The following ROBO1 variants were observed in gnomAD, a reference collection of about 807,000 sequenced individuals.
ROBO1 encodes the protein roundabout guidance receptor 1.
In ROBO1, 149 loss-of-function variants were observed where a neutral mutation model predicts 195.9. The observed-to-expected ratio is 0.76, with a 90% CI of 0.67 to 0.87. The LOEUF (loss-of-function observed/expected upper bound fraction) is 0.87. Ranked by LOEUF, ROBO1 falls within the 40% of genes least tolerant of loss-of-function variation. ROBO1 has a pLI of 0.00. For missense variants in ROBO1, 1,933 were observed against 2,068.3 expected (o/e 0.93, Z 1.27); for synonymous variants, 816 against 733.2 (o/e 1.11, Z -1.82).
rs185127805 is a variant in ROBO1 at position 79,509,016 on chromosome 3, G to C, written c.88+80808C>G. On this transcript the variant is annotated intron_variant, in intron 2 of 30. Coordinates refer to ENST00000464233, the MANE Select transcript of ROBO1 (RefSeq NM_002941.4). ...AAGATTAGCTTTTTTTCAAGGTATA[G>C]GATAAGCATATTTGATGACACATTA... 2.0e-3 allele frequency among the ~76,000 whole-genome samples: 309 copies of C among 152,104 alleles called. 2 individuals are homozygous for C. Among genetic ancestry groups the C allele is most frequent in the African/African-American group, 6.2e-3 (256 of 41,502 alleles).
intron 2 of ROBO1, among the ~76,000 whole-genome samples, chr3:79,382,550 T>C (rs970244131): frequency 1.3e-5 from 2 of 152,178 alleles, no homozygotes; most frequent in African/African-American, 4.8e-5. Flanking sequence ...TCTGATAATA[T>C]TGAATAAAGC....
chr3:79,727,669 A>G (rs953934950), intron 1 of ROBO1, among the ~76,000 whole-genome samples: 21 of 152,190 alleles, frequency 1.4e-4, no homozygotes, highest in African/African-American at 4.8e-4. Flanking sequence ...GCAACCTGCC[A>G]TAGTAGCAAT....
In ROBO1 at chr3:78,646,201, AC is replaced by A; in HGVS notation, c.2840-12del. 2 of 1,604,742 alleles carry A rather than the reference AC, an allele frequency of 1.2e-6. No individual in the cohort carries two copies. The highest frequency in any genetic ancestry group is 1.7e-6 in the Non-Finnish European group (2 of 1,173,640). ...CTCTCTGGTAAGTTACTAGAATGTT[AC>A]GAAAAAAAAAAGGAACAATTAATAG... On this transcript the variant is annotated splice_polypyrimidine_tract_variant and intron_variant, in intron 20 of 30. Transcript: ENST00000464233.
At chr3:78,898,883 T>C (rs1168167861) in intron 4 of ROBO1, among the ~76,000 whole-genome samples, 1 of 152,176 alleles carries the variant, frequency 6.6e-6, no homozygotes, top group African/African-American at 2.4e-5. Context: ...AGTTAGTTTG[T>C]AAACAGAATG....
chr3:78,669,760 T>TA (rs1707954785), intron 11 of ROBO1, among the ~76,000 whole-genome samples: 1 of 152,226 alleles, frequency 6.6e-6, no homozygotes, highest in Non-Finnish European at 1.5e-5. Context: ...GTAAATATCT[T>TA]AAAAGATGCT....
intron 2 of ROBO1, among the ~76,000 whole-genome samples, chr3:79,268,686 G>T (rs928787358): frequency 4.0e-5 from 6 of 151,610 alleles, no homozygotes; most frequent in African/African-American, 1.5e-4. Flanking sequence ...GGATTTAGAT[G>T]ATCACATAGC....
At chr3:79,081,729 T>C (rs902734324) in intron 3 of ROBO1, among the ~76,000 whole-genome samples, 9 of 152,188 alleles carry the variant, frequency 5.9e-5, no homozygotes, top group Non-Finnish European at 1.2e-4. Flanking sequence ...AAGTTTCATG[T>C]CATGTCTTGA....
chr3:79,645,311 G>A (rs1945786555), intron 1 of ROBO1, among the ~76,000 whole-genome samples: 1 of 151,854 alleles, frequency 6.6e-6, no homozygotes, highest in African/African-American at 2.4e-5. Context: ...AGATTAACTT[G>A]GGCAACGTCA....
chr3:79,516,397 A>G (rs1207258027), intron 2 of ROBO1, among the ~76,000 whole-genome samples: 2 of 152,122 alleles, frequency 1.3e-5, no homozygotes, highest in African/African-American at 4.8e-5. Flanking sequence ...AAAAGGAAGC[A>G]TATATAATTT....
Position 79,337,068 on chromosome 3 carries a change from C to T in ROBO1, c.89-211529G>A, listed in dbSNP as rs545707841. 5.9e-5 allele frequency among the ~76,000 whole-genome samples: 9 copies of T among 152,282 alleles called. No homozygotes were observed. In the South Asian group the frequency reaches 1.9e-3, roughly 32 times the overall value. On this transcript the variant is annotated intron_variant, in intron 2 of 30. Transcript: ENST00000464233. The stretch of plus-strand genomic sequence containing the variant: ...TGTATTTACTCAATGCCTGTACCTC[C>T]ATTGTATTTAGGAAGTAACCAGCTT...
chr3:79,445,194 TA>T (rs1202866551), intron 2 of ROBO1, among the ~76,000 whole-genome samples: 1 of 78,932 alleles, frequency 1.3e-5, no homozygotes, highest in Non-Finnish European at 2.3e-5. Context: ...TCCCATTCAC[TA>T]TTTTTTTTTG....
At chr3:79,052,539 C>A (rs889490673) in intron 3 of ROBO1, among the ~76,000 whole-genome samples, 13 of 152,066 alleles carry the variant, frequency 8.5e-5, no homozygotes, top group African/African-American at 2.9e-4. Flanking sequence ...GTACACCCCT[C>A]CCCTTTTGAA....
intron 2 of ROBO1, among the ~76,000 whole-genome samples, chr3:79,176,773 T>C (rs1235517554): frequency 6.6e-6 from 1 of 152,214 alleles, no homozygotes; most frequent in Non-Finnish European, 1.5e-5. Context: ...AGATTATTAT[T>C]TTAACCAGTA....
At chr3:78,991,001 T>C (rs539220673) in intron 3 of ROBO1, among the ~76,000 whole-genome samples, 2 of 152,314 alleles carry the variant, frequency 1.3e-5, no homozygotes, top group Middle Eastern at 3.4e-3. Context: ...GTCTAATAAA[T>C]CATTGTGAAA....
chr3:79,032,559 G>A (rs2078314822), intron 3 of ROBO1, among the ~76,000 whole-genome samples: 1 of 151,858 alleles, frequency 6.6e-6, no homozygotes, highest in Non-Finnish European at 1.5e-5. Flanking sequence ...TTATGAAATG[G>A]CAATAGAATC....
chr3:78,860,142 GA>G, intron 4 of ROBO1, among the ~76,000 whole-genome samples: 1 of 115,468 alleles, frequency 8.7e-6, no homozygotes, highest in Non-Finnish European at 1.9e-5. Flanking sequence ...TAGATAGGTA[GA>G]TAGATAGATA....
chr3:78,907,592 G>C (rs977622443), intron 4 of ROBO1, among the ~76,000 whole-genome samples: 1 of 152,106 alleles, frequency 6.6e-6, no homozygotes, highest in Admixed American at 6.6e-5. Flanking sequence ...AGTTACATTT[G>C]ATAAACAAGG....
At chr3:79,558,762 C>A (rs1942802612) in intron 2 of ROBO1, among the ~76,000 whole-genome samples, 1 of 152,074 alleles carries the variant, frequency 6.6e-6, no homozygotes, top group Non-Finnish European at 1.5e-5. Context: ...ATTTTAAAAA[C>A]AAAATCTAAT....
intron 4 of ROBO1, among the ~76,000 whole-genome samples, chr3:78,798,942 G>C (rs1481121942): frequency 6.6e-6 from 1 of 152,102 alleles, no homozygotes; most frequent in Non-Finnish European, 1.5e-5. Context: ...TTTCCAGAAA[G>C]ATAGAAAAAT....
Sources: gnomAD v4.1 joint callset for allele counts (sites outside exome capture counted in the v4.1 genomes callset) on GRCh38, gnomAD v4.1.1 for gene constraint, MANE v1.5 for transcripts, NCBI Gene and HGNC (gene_info 2026-07-23, HGNC 2026-07-21) for gene names.